POU6F2: variants seen among roughly 807,000 people sequenced by gnomAD.
The protein encoded by POU6F2 is POU class 6 homeobox 2.
Under a neutral mutation model 71.3 loss-of-function variants are expected in POU6F2, and 31 were observed. That is an observed-to-expected ratio of 0.43 (90% CI 0.33 to 0.59). POU6F2 has a LOEUF of 0.59. Among genes scored for constraint, POU6F2 ranks in the 20% least tolerant of loss-of-function variants. The probability of loss-of-function intolerance (pLI) is 0.04; values close to 1 mark genes in which losing one functional copy is unlikely to be tolerated. For synonymous variants in POU6F2, 347 were observed against 355.7 expected (o/e 0.98, Z 0.27); for missense variants, 783 against 856.8 (o/e 0.91, Z 1.07).
At chr7:39,126,296 G>T (rs1028584842) in intron 2 of POU6F2, among the ~76,000 whole-genome samples, 1 of 152,164 alleles carries the variant, frequency 6.6e-6, no homozygotes, top group South Asian at 2.1e-4. Flanking sequence ...GGCAAACTTT[G>T]GTTTGGTTAA....
At chr7:39,344,307 G>A (rs1301268387) in intron 5 of POU6F2, among the ~76,000 whole-genome samples, 2 of 152,178 alleles carry the variant, frequency 1.3e-5, no homozygotes, top group Non-Finnish European at 2.9e-5. Context: ...AGTTGCTTGA[G>A]AGCGTGAAAT....
At chr7:39,451,407 C>T in intron 7 of POU6F2, 126 bp from the exon 8 acceptor site, 1 of 1,060,602 alleles carries the variant, frequency 9.4e-7, no homozygotes, top group Non-Finnish European at 1.3e-6. Flanking sequence ...AGGGTGCGCA[C>T]TCTTCCTGAG....
intron 4 of POU6F2, among the ~76,000 whole-genome samples, chr7:39,252,885 A>C (rs532603987): frequency 1.3e-5 from 2 of 152,254 alleles, no homozygotes; most frequent in South Asian, 4.2e-4. Flanking sequence ...TATTTTAGCT[A>C]TAGCTCTTAA....
intron 5 of POU6F2, among the ~76,000 whole-genome samples, chr7:39,399,271 C>T (rs143777499): frequency 6.6e-6 from 1 of 152,290 alleles, no homozygotes; most frequent in East Asian, 1.9e-4. Context: ...GGGTGGAGAA[C>T]ATGTCAGTCT....
At chr7:39,264,370 A>G (rs1167610778) in intron 4 of POU6F2, among the ~76,000 whole-genome samples, 1 of 152,214 alleles carries the variant, frequency 6.6e-6, no homozygotes, top group East Asian at 1.9e-4. Context: ...ACTGGGCCCT[A>G]CTGAGTTATG....
intron 5 of POU6F2, among the ~76,000 whole-genome samples, chr7:39,385,250 A>G (rs572947144): frequency 2.0e-5 from 3 of 152,374 alleles, no homozygotes; most frequent in African/African-American, 7.2e-5. Context: ...AATCTTTGCA[A>G]TGGAAAGAGT....
chr7:39,288,038 G>A (rs112063930), intron 4 of POU6F2, among the ~76,000 whole-genome samples: 6 of 152,292 alleles, frequency 3.9e-5, no homozygotes, highest in South Asian at 2.1e-4. Context: ...GGCTTGGTTC[G>A]TAGCAATTAA....
intron 2 of POU6F2, among the ~76,000 whole-genome samples, chr7:39,163,543 G>A (rs925364067): frequency 7.9e-5 from 12 of 152,214 alleles, no homozygotes; most frequent in Admixed American, 2.0e-4. Flanking sequence ...TGTCTCTTGC[G>A]TCAATAGTGT....
At chr7:38,984,924 G>A (rs1395603761) in intron 1 of POU6F2, 2 of 152,066 alleles carry the variant, frequency 1.3e-5, no homozygotes, top group Non-Finnish European at 1.5e-5. Flanking sequence ...GCAAATTCCT[G>A]TTCAAAAGAA....
chr7:39,239,906 G>T (rs576290853), intron 4 of POU6F2, among the ~76,000 whole-genome samples: 30 of 152,242 alleles, frequency 2.0e-4, no homozygotes, highest in Non-Finnish European at 3.4e-4. Context: ...AGGGGGCAAA[G>T]TCCTGAATTA....
Position 39,433,076 on chromosome 7 carries a change from G to T in POU6F2, c.1114-1G>T. The T allele has an allele frequency of 6.2e-7, 1 of 1,612,616 alleles. No individual in the cohort carries two copies. The highest frequency in any genetic ancestry group is 8.5e-7 in the Non-Finnish European group (1 of 1,179,086). ...TCCTCACCTTTGGCCCTCTCTTGCA[G>T]ATTATCGGGACCATTCCACTGATGC... On this transcript the variant is annotated splice_acceptor_variant, in intron 6 of 9. Transcript: ENST00000518318. LOFTEE classifies it high-confidence loss of function.
At chr7:39,293,756 A>G (rs901851394) in intron 4 of POU6F2, among the ~76,000 whole-genome samples, 4 of 152,186 alleles carry the variant, frequency 2.6e-5, no homozygotes, top group East Asian at 3.9e-4. Flanking sequence ...AACTCAACCC[A>G]AAAAAGGAAA....
At chr7:39,082,984 G>A (rs1791158100) in intron 1 of POU6F2, among the ~76,000 whole-genome samples, 1 of 152,162 alleles carries the variant, frequency 6.6e-6, no homozygotes, top group African/African-American at 2.4e-5. Flanking sequence ...AGCCATGTAT[G>A]AGGTACATAA....
chr7:39,026,589 G>C (rs917143115), intron 1 of POU6F2, among the ~76,000 whole-genome samples: 2 of 152,016 alleles, frequency 1.3e-5, no homozygotes, highest in Non-Finnish European at 2.9e-5. Flanking sequence ...AACACACTCT[G>C]GGGACTGTTG....
rs1791376334 is a variant in POU6F2 at position 39,092,338 on chromosome 7, C to T, written c.277+6307C>T. ...GCTCTGGAATTTTCTTGTTTGTTGT[C>T]TTCCTGGGTTCTGTACTTAGCTGGT... On this transcript the variant is annotated intron_variant, in intron 2 of 9. Coordinates refer to ENST00000518318, the MANE Select transcript of POU6F2 (RefSeq NM_001370959.1). Among the ~76,000 whole-genome samples, 4 of 152,242 alleles carry T rather than the reference C, an allele frequency of 2.6e-5. No homozygotes were observed. The South Asian group carries it at 8.3e-4, about 32-fold the overall frequency.
chr7:39,128,693 A>G (rs1375695778), intron 2 of POU6F2, among the ~76,000 whole-genome samples: 1 of 152,212 alleles, frequency 6.6e-6, no homozygotes, highest in African/African-American at 2.4e-5. Context: ...GTTTATTGCT[A>G]GGAAACAAGA....
At chr7:39,461,046 A>T (rs1019328503) in intron 9 of POU6F2, among the ~76,000 whole-genome samples, 2 of 152,168 alleles carry the variant, frequency 1.3e-5, no homozygotes, top group African/African-American at 4.8e-5. Context: ...GCACGTAGGT[A>T]TTCTGAGCAA....
At chr7:39,111,398 C>G (rs190464552) in intron 2 of POU6F2, among the ~76,000 whole-genome samples, 1 of 151,952 alleles carries the variant, frequency 6.6e-6, no homozygotes, top group African/African-American at 2.4e-5. Flanking sequence ...GATGGTAAAA[C>G]GAAAGTGAAG....
chr7:39,457,418 G>C (rs1052190206), intron 8 of POU6F2, among the ~76,000 whole-genome samples: 4 of 152,226 alleles, frequency 2.6e-5, no homozygotes, highest in Non-Finnish European at 5.9e-5. Context: ...CTTGCCATAA[G>C]TAGTGACAGT....
Sources: allele counts gnomAD v4.1 joint callset (sites outside exome capture counted in the v4.1 genomes callset), GRCh38; gene constraint gnomAD v4.1.1; transcripts MANE v1.5; gene names NCBI Gene and HGNC (gene_info 2026-07-23, HGNC 2026-07-21).